The following AK2 variants were observed in gnomAD, a reference collection of about 807,000 sequenced individuals.
AK2 encodes adenylate kinase 2, mitochondrial.
Under a neutral mutation model 24.6 loss-of-function variants are expected in AK2, and 15 were observed. The ratio of observed to expected loss-of-function variants is 0.61; its 90% CI spans 0.41 to 0.94. The LOEUF (loss-of-function observed/expected upper bound fraction) is 0.94, where lower values mean the gene tolerates loss of function less well. Ranked by LOEUF, AK2 falls within the 40% of genes least tolerant of loss-of-function variation. The probability of loss-of-function intolerance (pLI) is 0.00; values close to 1 mark genes in which losing one functional copy is unlikely to be tolerated. For synonymous variants in AK2, 102 were observed against 114.0 expected, an observed-to-expected ratio of 0.90 and a Z score of 0.67; for missense variants, 257 against 304.1, an observed-to-expected ratio of 0.85 and a Z score of 1.15.
intron 2 of AK2, among the ~76,000 whole-genome samples, chr1:33,022,130 C>A (rs1639594448): frequency 1.3e-5 from 2 of 152,082 alleles, no homozygotes; most frequent in Non-Finnish European, 2.9e-5. Context: ...GGCTGACAGA[C>A]CACCTGAGAG....
chr1:33,010,600 T>G lies in AK2; in HGVS notation c.*2581A>C. The G allele has an allele frequency of 8.3e-7, 1 of 1,204,626 alleles. No homozygotes were observed. Among genetic ancestry groups the G allele is most frequent in the Non-Finnish European group, 1.2e-6 (1 of 844,024 alleles). The allele number at this position is 1,204,626 out of a possible 1,614,324, so 74.6% of individuals were successfully genotyped here. On this transcript the variant is annotated 3_prime_UTR_variant, in exon 6 of 6. Transcript: ENST00000672715. ...CCCCCACCCTCCAAGCATGGTGTTTTTTAAAAAATTAATTTTTCCCTTACA... is the reference window on the plus strand; with the variant it reads ...CCCCCACCCTCCAAGCATGGTGTTTGTTAAAAAATTAATTTTTCCCTTACA...
chr1:33,008,388 T>C lies in AK2; in HGVS notation c.*4793A>G, dbSNP rs1334396569. Reference sequence around the variant, plus strand: ...AGGCTTCTGAGGAGGCTGCTCTCCATCCTGCTGTGTTCTGTCAGTGACACT... The same window carrying C: ...AGGCTTCTGAGGAGGCTGCTCTCCACCCTGCTGTGTTCTGTCAGTGACACT... On this transcript the variant is annotated 3_prime_UTR_variant, in exon 6 of 6. Coordinates refer to ENST00000672715, the MANE Select transcript of AK2 (RefSeq NM_001625.4). 2 of 454,018 alleles carry C rather than the reference T, an allele frequency of 4.4e-6. No individual in the cohort carries two copies. Among genetic ancestry groups the C allele is most frequent in the Non-Finnish European group, 8.8e-6 (2 of 226,802 alleles). 28.1% of individuals were successfully genotyped at this position (454,018 alleles called of 1,614,324 possible).
At position 33,009,356 on chromosome 1, in the gene AK2, A is replaced by G. The variant is rs767828057; in HGVS notation, c.*3825T>C. On this transcript the variant is annotated 3_prime_UTR_variant, in exon 6 of 6. Coordinates refer to ENST00000672715, the MANE Select transcript of AK2 (RefSeq NM_001625.4). ...AAACTAGGACACACAGAGAAGCAAC[A>G]AAGAGTGTTAAAGAAGCAACTGAAA... 24 of 454,156 alleles carry G rather than the reference A, an allele frequency of 5.3e-5. No individual in the cohort carries two copies. Among genetic ancestry groups the G allele is most frequent in the South Asian group, 3.7e-4 (24 of 64,480 alleles). The allele number at this position is 454,156 out of a possible 1,614,324, so 28.1% of individuals were successfully genotyped here.
chr1:33,009,805 C>T lies in AK2; in HGVS notation c.*3376G>A. 2.2e-6 allele frequency: 1 copy of T among 454,470 alleles called. No individual in the cohort carries two copies. Among genetic ancestry groups the T allele is most frequent in the Non-Finnish European group, 4.4e-6 (1 of 226,778 alleles). The allele number at this position is 454,470 out of a possible 1,614,324, so 28.2% of individuals were successfully genotyped here. ...ATCTCATATGCACATACTTGGACCT[C>T]CCTACCACACAGCTGCCAGCGACAA... On this transcript the variant is annotated 3_prime_UTR_variant, in exon 6 of 6. Coordinates refer to ENST00000672715, the MANE Select transcript of AK2 (RefSeq NM_001625.4).
chr1:33,009,807 C>T lies in AK2; in HGVS notation c.*3374G>A, dbSNP rs1359516506. Reference sequence around the variant, plus strand: ...CTCATATGCACATACTTGGACCTCCCTACCACACAGCTGCCAGCGACAAGA... The same window carrying T: ...CTCATATGCACATACTTGGACCTCCTTACCACACAGCTGCCAGCGACAAGA... On this transcript the variant is annotated 3_prime_UTR_variant, in exon 6 of 6. Transcript: ENST00000672715. 1.1e-5 allele frequency: 5 copies of T among 454,374 alleles called. No individual in the cohort carries two copies. The highest frequency in any genetic ancestry group is 1.0e-4 in the African/African-American group (5 of 49,984). 28.1% of individuals were successfully genotyped at this position (454,374 alleles called of 1,614,324 possible).
chr1:33,013,257 G>T lies in AK2; in HGVS notation c.644C>A (p.Thr215Asn). The T allele has an allele frequency of 1.2e-6, 2 of 1,614,176 alleles. No homozygotes were observed. Among genetic ancestry groups the T allele is most frequent in the Non-Finnish European group, 8.5e-7 (1 of 1,180,024 alleles). ...GATGCTTGCGAACACGACATCGGGG[G>T]TCTGGGATGCATCGATGGCGGAGTG... is the stretch of plus-strand genomic sequence containing the variant. The part of the protein sequence containing the change: ...GIHSAIDASQ[T>N]PDVVFASILA... The change falls in exon 6 of 6, where the codon ACC becomes AAC. Residue 215 changes from threonine (T) to asparagine (N), a missense_variant. Transcript: ENST00000672715.
At chr1:33,013,463 G>A in intron 5 of AK2, 61 bp from the exon 6 acceptor site, 1 of 1,564,090 alleles carries the variant, frequency 6.4e-7, no homozygotes, top group African/African-American at 1.4e-5. Context: ...CTTATTCCAT[G>A]CCAGATGCAG....
At chr1:33,017,461 T>C (rs1438556670) in intron 4 of AK2, among the ~76,000 whole-genome samples, 9 of 152,202 alleles carry the variant, frequency 5.9e-5, no homozygotes, top group African/African-American at 1.9e-4. Flanking sequence ...GCTAGGGGCA[T>C]GAGATACGGA....
chr1:33,013,138 T>C lies in AK2; in HGVS notation c.*43A>G, dbSNP rs145687281. On this transcript the variant is annotated 3_prime_UTR_variant, in exon 6 of 6. Transcript: ENST00000672715. ...TTGCCTGTCCTATCATTCCCACCCA[T>C]TGCCTCACAGGGATGGAAAGAAATT... 30 of 1,613,986 alleles carry C rather than the reference T, an allele frequency of 1.9e-5. No homozygotes were observed. Among genetic ancestry groups the C allele is most frequent in the African/African-American group, 2.7e-5 (2 of 75,054 alleles).
At chr1:33,021,813 G>C (rs1639578326) in intron 2 of AK2, 110 bp from the exon 3 acceptor site, 2 of 823,160 alleles carry the variant, frequency 2.4e-6, no homozygotes, top group Admixed American at 4.2e-5. Flanking sequence ...TTACTAAACA[G>C]CAAGTTTTCT....
At chr1:33,019,908 G>C in intron 4 of AK2, 1 of 1,393,550 alleles carries the variant, frequency 7.2e-7, no homozygotes, top group South Asian at 1.6e-5. Context: ...GGTCATGGAT[G>C]TCTGGTTCAA....
At chr1:33,022,397 C>T (rs1435023698) in intron 2 of AK2, among the ~76,000 whole-genome samples, 1 of 147,906 alleles carries the variant, frequency 6.8e-6, no homozygotes, top group East Asian at 1.9e-4. Flanking sequence ...ATTCTGTTGC[C>T]CAGGCTGGAG....
chr1:33,027,708 C>G (rs1231824731), intron 1 of AK2, among the ~76,000 whole-genome samples: 1 of 148,008 alleles, frequency 6.8e-6, no homozygotes, highest in Non-Finnish European at 1.5e-5. Context: ...GATCGCGCCA[C>G]TGTACTCCAG....
intron 2 of AK2, 50 bp from the exon 3 acceptor site, chr1:33,021,753 G>T: frequency 2.1e-6 from 3 of 1,432,672 alleles, no homozygotes; most frequent in South Asian, 1.1e-5. Flanking sequence ...TTACCTAGGT[G>T]ACTGACATTA....
chr1:33,031,309 T>A (rs1429399184), intron 1 of AK2: 2 of 194,270 alleles, frequency 1.0e-5, no homozygotes, highest in African/African-American at 4.7e-5. Flanking sequence ...CAGACAGACA[T>A]GAGTTCAAAT....
chr1:33,031,732 C>T, intron 1 of AK2: 1 of 455,696 alleles, frequency 2.2e-6, no homozygotes, highest in Non-Finnish European at 4.4e-6. Context: ...ATAACTGATG[C>T]ATCTGACCCA....
chr1:33,019,255 T>C (rs981812043), intron 4 of AK2, among the ~76,000 whole-genome samples: 1 of 152,186 alleles, frequency 6.6e-6, no homozygotes, highest in Non-Finnish European at 1.5e-5. Context: ...TGGGCATCAC[T>C]ATATGGTTAT....
rs1170252226 is a variant in AK2, at chr1:33,012,437, G to A, written c.*744C>T. On this transcript the variant is annotated 3_prime_UTR_variant, in exon 6 of 6. Transcript: ENST00000672715. ...CAAAATGGAATTCTCTGTCCATAAT[G>A]TGCCATCAGGAACTGTGACCCTGCC... 2 of 1,456,760 alleles carry A rather than the reference G, an allele frequency of 1.4e-6. No individual in the cohort carries two copies. Among genetic ancestry groups the A allele is most frequent in the Middle Eastern group, 2.5e-4 (1 of 3,956 alleles). The allele number at this position is 1,456,760 out of a possible 1,614,324, so 90.2% of individuals were successfully genotyped here.
intron 1 of AK2, among the ~76,000 whole-genome samples, chr1:33,034,695 A>G (rs1640471818): frequency 6.6e-6 from 1 of 152,170 alleles, no homozygotes; most frequent in Non-Finnish European, 1.5e-5. Flanking sequence ...TTGTCCCAGT[A>G]CTATACTAGT....
Sources: gnomAD v4.1 joint callset for allele counts (sites outside exome capture counted in the v4.1 genomes callset) on GRCh38, gnomAD v4.1.1 for gene constraint, MANE v1.5 for transcripts, NCBI Gene and HGNC (gene_info 2026-07-23, HGNC 2026-07-21) for gene names.